GNA13: variants seen among roughly 807,000 people sequenced by gnomAD.
The protein encoded by GNA13 is guanine nucleotide-binding protein subunit alpha-13.
GNA13 carries 4 observed loss-of-function variants against 33.5 expected under a neutral mutation model. The ratio of observed to expected loss-of-function variants is 0.12; its 90% confidence interval spans 0.06 to 0.27. The LOEUF (loss-of-function observed/expected upper bound fraction) is 0.27. Ranked by LOEUF, GNA13 falls within the 10% of genes least tolerant of loss-of-function variation. The pLI, the probability that GNA13 is intolerant of heterozygous loss-of-function variation, is 1.00. For synonymous variants in GNA13, 176 were observed against 183.8 expected, an observed-to-expected ratio of 0.96 and a Z score of 0.34; for missense variants, 319 against 487.2, an observed-to-expected ratio of 0.65 and a Z score of 3.25.
At chr17:65,043,356 C>T (rs2143817260) in intron 2 of GNA13, among the ~76,000 whole-genome samples, 1 of 151,764 alleles carries the variant, frequency 6.6e-6, no homozygotes, top group East Asian at 1.9e-4. Flanking sequence ...GGTGCAATCT[C>T]AGGTCACTGC....
At position 65,053,738 on chromosome 17, in the gene GNA13, A is replaced by G; in HGVS notation, c.284-10T>C. 6.5e-7 allele frequency: 1 copy of G among 1,537,658 alleles called. No homozygotes were observed. The highest frequency in any genetic ancestry group is 9.0e-7 in the Non-Finnish European group (1 of 1,113,752). On this transcript the variant is annotated splice_polypyrimidine_tract_variant and intron_variant, in intron 1 of 3. Transcript: ENST00000439174. ...ACCAGCACCCTCATACCTTTGTTTA[A>G]AAAGAAGAAAAAAAATGTATGGAGA...
chr17:65,056,669 G>A lies in GNA13; in HGVS notation c.-76C>T. The A allele has an allele frequency of 8.2e-7, 1 of 1,215,980 alleles. No homozygotes were observed. The highest frequency in any genetic ancestry group is 1.1e-6 in the Non-Finnish European group (1 of 924,070). The allele number at this position is 1,215,980 out of a possible 1,614,324, so 75.3% of individuals were successfully genotyped here. A position where few individuals can be genotyped will look rare whatever the true frequency, so the allele number is the denominator to read the frequency against. On this transcript the variant is annotated 5_prime_UTR_variant, in exon 1 of 4. Transcript: ENST00000439174. ...CCTCCTCCGGCGGCGGGCGGCTCCG[G>A]CACCGAGGCTCGAGGGCGGGGAGCG...
intron 2 of GNA13, among the ~76,000 whole-genome samples, chr17:65,044,939 A>G (rs1271055268): frequency 6.7e-6 from 1 of 149,510 alleles, no homozygotes; most frequent in African/African-American, 2.5e-5. Flanking sequence ...GGTACTCGGG[A>G]GGCTGAGGCA....
At chr17:65,055,300 A>AC (rs1430339390) in intron 1 of GNA13, among the ~76,000 whole-genome samples, 1 of 152,104 alleles carries the variant, frequency 6.6e-6, no homozygotes, top group Non-Finnish European at 1.5e-5. Flanking sequence ...CAAAATAAAA[A>AC]CCATCTTTTC....
At position 65,025,792 on chromosome 17, in the gene GNA13, A is replaced by G. The variant is rs139111229; in HGVS notation, c.511-7489T>C. Among the ~76,000 whole-genome samples the G allele has an allele frequency of 5.0e-3, 722 of 143,332 alleles. 5 individuals are homozygous for G. The highest frequency in any genetic ancestry group is 8.4e-3 in the Non-Finnish European group (555 of 65,862). 94.0% of individuals were successfully genotyped at this position (143,332 alleles called of 152,430 possible). A position where few individuals can be genotyped will look rare whatever the true frequency, so the allele number is the denominator to read the frequency against. On this transcript the variant is annotated intron_variant, in intron 2 of 3. Coordinates refer to ENST00000439174, the MANE Select transcript of GNA13 (RefSeq NM_006572.6). ...CCCAGGAGTTCGAGACCCAGCCTAG[A>G]ACACATAGAGAGATCCCATCTCTAC...
Position 65,014,601 on chromosome 17 carries a change from G to C in GNA13, c.790C>G (p.Arg264Gly). 1 of 1,613,820 alleles carries C rather than the reference G, an allele frequency of 6.2e-7. No homozygotes were observed. Among genetic ancestry groups the C allele is most frequent in the Non-Finnish European group, 8.5e-7 (1 of 1,179,688 alleles). The change falls in exon 4 of 4, where the codon CGC (arginine) becomes GGC (glycine). Residue 264 changes from arginine (R) to glycine (G), a missense_variant. This residue lies in a region of GNA13 where 134 missense variants were observed against 241.3 expected (regional missense o/e 0.56). Transcript: ENST00000439174. The surrounding 1 kb of genome is among the most constrained non-coding windows in gnomAD (Gnocchi z 5.3). Reference sequence around the variant, plus strand: ...AAAATGTTCAGAGACTCTGTAAGGCGATTGGTCAGTCGATCTTCCATAAGC... The same window carrying C: ...AAAATGTTCAGAGACTCTGTAAGGCCATTGGTCAGTCGATCTTCCATAAGC... ...QVLMEDRLTN[R>G]LTESLNIFET...
At chr17:65,048,182 G>C (rs934320328) in intron 2 of GNA13, among the ~76,000 whole-genome samples, 1 of 152,122 alleles carries the variant, frequency 6.6e-6, no homozygotes, top group Non-Finnish European at 1.5e-5. Context: ...ACACTGTCCT[G>C]TCCTACGTAA....
At chr17:65,033,948 G>A (rs1037916838) in intron 2 of GNA13, among the ~76,000 whole-genome samples, 4 of 133,362 alleles carry the variant, frequency 3.0e-5, no homozygotes, top group Non-Finnish European at 4.6e-5. Flanking sequence ...AGGAGGCGGA[G>A]GTTGCAGTGA....
At chr17:65,040,730 A>G (rs1163909983) in intron 2 of GNA13, among the ~76,000 whole-genome samples, 1 of 152,098 alleles carries the variant, frequency 6.6e-6, no homozygotes, top group Non-Finnish European at 1.5e-5. Context: ...TGACCTTGTG[A>G]TCTGCCTGCC....
chr17:65,024,269 TG>T (rs1906692904), intron 2 of GNA13, among the ~76,000 whole-genome samples: 1 of 152,118 alleles, frequency 6.6e-6, no homozygotes, highest in South Asian at 2.1e-4. Context: ...AAAAATCATA[TG>T]CTCATTTGGT....
At chr17:65,016,558 C>T (rs192362524) in intron 3 of GNA13, among the ~76,000 whole-genome samples, 5,749 of 152,204 alleles carry the variant, frequency 0.038, 159 homozygotes, top group Non-Finnish European at 0.057. Flanking sequence ...GACGGGGTTT[C>T]ACCATTTTGG....
At chr17:65,056,201 C>A in intron 1 of GNA13, 110 bp downstream of exon 1, 1 of 930,988 alleles carries the variant, frequency 1.1e-6, no homozygotes. Flanking sequence ...GCCCGCCGGG[C>A]CCGTTCCTTC....
At chr17:65,023,826 C>A (rs1236533737) in intron 2 of GNA13, among the ~76,000 whole-genome samples, 2 of 152,174 alleles carry the variant, frequency 1.3e-5, no homozygotes, top group African/African-American at 4.8e-5. Flanking sequence ...CATTTAACTA[C>A]GCAAATGAAG....
intron 2 of GNA13, among the ~76,000 whole-genome samples, chr17:65,037,835 C>G (rs910121640): frequency 7.0e-6 from 1 of 143,784 alleles, no homozygotes; most frequent in African/African-American, 2.5e-5. Flanking sequence ...TTCATCTCTT[C>G]TTTTTACACC....
At chr17:65,031,884 G>GAA (rs1907032874) in intron 2 of GNA13, among the ~76,000 whole-genome samples, 36 of 129,760 alleles carry the variant, frequency 2.8e-4, no homozygotes, top group African/African-American at 1.1e-3. Context: ...GAGAGAGAGA[G>GAA]AGAGAGAGAG....
At chr17:65,054,753 ACAGT>A (rs936332520) in intron 1 of GNA13, among the ~76,000 whole-genome samples, 10 of 152,244 alleles carry the variant, frequency 6.6e-5, no homozygotes, top group African/African-American at 9.6e-5. Context: ...TACCAGGCTC[ACAGT>A]CAGTTAACAT....
At chr17:65,015,840 T>A (rs1567816435) in intron 3 of GNA13, among the ~76,000 whole-genome samples, 1 of 152,150 alleles carries the variant, frequency 6.6e-6, no homozygotes, top group Non-Finnish European at 1.5e-5. Flanking sequence ...CTATATTACA[T>A]GTGTGAAAAA....
At chr17:65,046,779 A>G (rs1448576930) in intron 2 of GNA13, among the ~76,000 whole-genome samples, 2 of 152,232 alleles carry the variant, frequency 1.3e-5, no homozygotes, top group Non-Finnish European at 2.9e-5. Flanking sequence ...AAAACTATTT[A>G]CTTGTTCCAT....
intron 2 of GNA13, among the ~76,000 whole-genome samples, chr17:65,034,360 A>G (rs1907167446): frequency 6.6e-6 from 1 of 152,100 alleles, no homozygotes; most frequent in African/African-American, 2.4e-5. Context: ...TATCACCAAA[A>G]TAATTTAAGG....
Sources: gnomAD v4.1 joint callset for allele counts (sites outside exome capture counted in the v4.1 genomes callset) on GRCh38, gnomAD v4.1.1 for gene constraint, gnomAD v4.1.1 regional missense constraint, Gnocchi (gnomAD v3.1) non-coding constraint, MANE v1.5 for transcripts, NCBI Gene and HGNC (gene_info 2026-07-23, HGNC 2026-07-21) for gene names.